Variants in SMARCA2 observed in about 807,000 individuals in gnomAD.
The protein encoded by SMARCA2 is SWI/SNF-related matrix-associated actin-dependent regulator of chromatin subfamily A member 2.
SMARCA2 carries 61 observed loss-of-function variants against 199.8 expected under a neutral mutation model. The observed-to-expected ratio is 0.31, with a 90% CI of 0.25 to 0.38. The LOEUF (loss-of-function observed/expected upper bound fraction) is 0.38. Ranked by LOEUF, SMARCA2 falls within the 10% of genes least tolerant of loss-of-function variation. The pLI, the probability that SMARCA2 is intolerant of heterozygous loss-of-function variation, is 1.00. For synonymous variants in SMARCA2, 935 were observed against 732.0 expected, an observed-to-expected ratio of 1.28 and a Z score of -4.48; for missense variants, 1,344 against 2,012.2, an observed-to-expected ratio of 0.67 and a Z score of 6.35.
chr9:2,018,236 C>G (rs140799214), intron 1 of SMARCA2, among the ~76,000 whole-genome samples: 196 of 152,330 alleles, frequency 1.3e-3, no homozygotes, highest in Non-Finnish European at 2.1e-3. Flanking sequence ...GAATCCATTC[C>G]TTATTCAATG....
intron 25 of SMARCA2, among the ~76,000 whole-genome samples, chr9:2,118,597 A>G (rs1231674920): frequency 2.6e-5 from 4 of 152,230 alleles, no homozygotes; most frequent in African/African-American, 7.2e-5. Context: ...CCCACTCAGC[A>G]TATGATAAAA....
chr9:2,039,586 G>T lies in SMARCA2; in HGVS notation c.476G>T (p.Gly159Val), dbSNP rs1222910925. 6.2e-7 allele frequency: 1 copy of T among 1,614,152 alleles called. No homozygotes were observed. Among genetic ancestry groups the T allele is most frequent in the Non-Finnish European group, 8.5e-7 (1 of 1,180,030 alleles). Residue 159 changes from glycine (G) to valine (V), a missense_variant, in exon 4 of 34, where the codon GGT becomes GTT. Around this residue, in one of 18 missense-constraint regions of SMARCA2, gnomAD observed 275 missense variants for 247.5 expected, o/e 1.11. Transcript: ENST00000349721. This position sits in a 1 kb window ranked among gnomAD's most constrained non-coding sequence, Gnocchi z 4.8. Reference sequence around the variant, plus strand: ...AGCCAGCCGGGGGCCCTCATCCCAGGTGATCCGCAGGCCATGAGCCAGCCC... The same window carrying T: ...AGCCAGCCGGGGGCCCTCATCCCAGTTGATCCGCAGGCCATGAGCCAGCCC... ...PPSQPGALIPGDPQAMSQPNR... is the reference protein window; with the variant it reads ...PPSQPGALIPVDPQAMSQPNR...
Position 2,147,478 on chromosome 9 carries a change from A to T in SMARCA2, c.3982-14208A>T, listed in dbSNP as rs544718254. Among the ~76,000 whole-genome samples, 3 of 152,374 alleles carry T rather than the reference A, an allele frequency of 2.0e-5. No individual in the cohort carries two copies. In the South Asian group the frequency reaches 6.2e-4, roughly 32 times the overall value. On this transcript the variant is annotated intron_variant, in intron 27 of 33. Coordinates refer to ENST00000349721, the MANE Select transcript of SMARCA2 (RefSeq NM_003070.5). ...AAGGCTGAGATTGCCTCTTTGAGTA[A>T]ACTGGCTAGAACACATAAATCACAC...
intron 29 of SMARCA2, chr9:2,181,209 T>TAC (rs1826999165): frequency 5.6e-6 from 1 of 179,612 alleles, no homozygotes; most frequent in Admixed American, 6.3e-5. Context: ...TGTACGTGTA[T>TAC]ATATATACAT....
At chr9:2,026,177 C>T (rs1396918367) in intron 1 of SMARCA2, among the ~76,000 whole-genome samples, 1 of 152,158 alleles carries the variant, frequency 6.6e-6, no homozygotes, top group Admixed American at 6.5e-5. Context: ...TATCACGTCA[C>T]GTTCTATGAG....
chr9:2,142,905 AT>A (rs1414073824), intron 27 of SMARCA2, among the ~76,000 whole-genome samples: 1 of 152,188 alleles, frequency 6.6e-6, no homozygotes, highest in African/African-American at 2.4e-5. Context: ...TCTCACCAAC[AT>A]TTTTGGGTCC....
At chr9:2,036,579 T>C (rs1819345862) in intron 3 of SMARCA2, among the ~76,000 whole-genome samples, 1 of 152,216 alleles carries the variant, frequency 6.6e-6, no homozygotes, top group African/African-American at 2.4e-5. Flanking sequence ...AAATCTCTAT[T>C]TTTAATACCA....
At chr9:2,190,181 C>T (rs763312320) in intron 32 of SMARCA2, among the ~76,000 whole-genome samples, 27 of 152,228 alleles carry the variant, frequency 1.8e-4, no homozygotes, top group Middle Eastern at 3.4e-3. Flanking sequence ...CATTGGTATC[C>T]CCAGAATAGT....
At chr9:2,139,875 C>G (rs1298049227) in intron 27 of SMARCA2, among the ~76,000 whole-genome samples, 1 of 152,168 alleles carries the variant, frequency 6.6e-6, no homozygotes, top group East Asian at 1.9e-4. Flanking sequence ...TGTGGGCTTT[C>G]ATTAGTTTTA....
At chr9:2,096,567 C>A in intron 19 of SMARCA2, 90 bp from the exon 20 acceptor site, 1 of 790,922 alleles carries the variant, frequency 1.3e-6, no homozygotes, top group Non-Finnish European at 2.2e-6. Flanking sequence ...CACCTTTGTG[C>A]TTCCAGGAGT....
chr9:2,059,377 C>G (rs993340462), intron 8 of SMARCA2, among the ~76,000 whole-genome samples: 12 of 152,086 alleles, frequency 7.9e-5, no homozygotes, highest in African/African-American at 2.9e-4. Context: ...TTTTAAAAGC[C>G]TCTGTGTGCA....
intron 1 of SMARCA2, among the ~76,000 whole-genome samples, chr9:2,024,235 A>G (rs1251897704): frequency 6.6e-6 from 1 of 152,096 alleles, no homozygotes; most frequent in Non-Finnish European, 1.5e-5. Context: ...CTGAAATGCT[A>G]CCTTCTCCAT....
At chr9:2,069,253 T>C (rs1820982369) in intron 9 of SMARCA2, among the ~76,000 whole-genome samples, 1 of 151,764 alleles carries the variant, frequency 6.6e-6, no homozygotes, top group Non-Finnish European at 1.5e-5. Context: ...TAGGTTGTTT[T>C]TGAGGCACAT....
Position 2,078,951 on chromosome 9 carries a change from T to A in SMARCA2, c.2184+1175T>A, listed in dbSNP as rs189979543. Among the ~76,000 whole-genome samples the A allele has an allele frequency of 6.1e-3, 925 of 151,620 alleles. 14 individuals are homozygous for A. Among genetic ancestry groups the A allele is most frequent in the African/African-American group, 0.021 (865 of 41,370 alleles). ...CAGAGTGAGACTCTATCCAAAAAAATAAATAAATAAATAAAAATAAAAATA... is the reference window on the plus strand; with the variant it reads ...CAGAGTGAGACTCTATCCAAAAAAAAAAATAAATAAATAAAAATAAAAATA... On this transcript the variant is annotated intron_variant, in intron 14 of 33. Coordinates refer to ENST00000349721, the MANE Select transcript of SMARCA2 (RefSeq NM_003070.5).
At chr9:2,037,081 A>AT (rs1228396195) in intron 3 of SMARCA2, among the ~76,000 whole-genome samples, 6 of 152,190 alleles carry the variant, frequency 3.9e-5, no homozygotes, top group Non-Finnish European at 5.9e-5. Flanking sequence ...TGGTGGAAAG[A>AT]TTTTTCCTCT....
rs147885668 is a variant in SMARCA2, at chr9:2,038,876, A to G, written c.356-590A>G. ...TCAATAATTGCAAGTTATTCATAAC[A>G]TGCATAATAATAAACCAAGTGTTCG... On this transcript the variant is annotated intron_variant, in intron 3 of 33. Transcript: ENST00000349721. Among the ~76,000 whole-genome samples the G allele has an allele frequency of 1.8e-3, 281 of 152,332 alleles. 1 individual carries two copies. The highest frequency in any genetic ancestry group is 6.5e-3 in the African/African-American group (271 of 41,584).
At chr9:2,095,363 C>T (rs959002369) in intron 19 of SMARCA2, among the ~76,000 whole-genome samples, 7 of 151,758 alleles carry the variant, frequency 4.6e-5, no homozygotes, top group South Asian at 4.2e-4. Flanking sequence ...GGACTGCAGG[C>T]GTGAGCCACC....
At chr9:2,151,004 C>A (rs1419505148) in intron 27 of SMARCA2, among the ~76,000 whole-genome samples, 1 of 151,540 alleles carries the variant, frequency 6.6e-6, no homozygotes, top group Non-Finnish European at 1.5e-5. Context: ...GGGATTAGGA[C>A]CTCAACGTAT....
At chr9:2,182,070 T>TTAACTAAG in intron 30 of SMARCA2, 71 bp from the exon 31 acceptor site, 1 of 999,446 alleles carries the variant, frequency 1.0e-6, no homozygotes, top group Admixed American at 1.7e-5. Context: ...TCAGGCTTTG[T>TTAACTAAG]TAACTAAGTA....
Sources: gnomAD v4.1 joint callset for allele counts (sites outside exome capture counted in the v4.1 genomes callset) on GRCh38, gnomAD v4.1.1 for gene constraint, gnomAD v4.1.1 regional missense constraint, Gnocchi (gnomAD v3.1) non-coding constraint, MANE v1.5 for transcripts, NCBI Gene and HGNC (gene_info 2026-07-23, HGNC 2026-07-21) for gene names.